The following ZNF180 variants were observed in gnomAD, a reference collection of about 807,000 sequenced individuals.
ZNF180 encodes zinc finger protein 180 (HHZ168).
ZNF180 carries 11 observed loss-of-function variants against 11.8 expected under a neutral mutation model. The ratio of observed to expected loss-of-function variants is 0.93; its 90% CI spans 0.59 to 1.55. The LOEUF (loss-of-function observed/expected upper bound fraction) is 1.55. Among genes scored for constraint, ZNF180 ranks in the 40% most tolerant of loss-of-function variants. The probability of loss-of-function intolerance (pLI) is 0.00; values close to 1 mark genes in which losing one functional copy is unlikely to be tolerated. For synonymous variants in ZNF180, 287 were observed against 257.7 expected (o/e 1.11, Z -1.09); for missense variants, 773 against 781.7 (o/e 0.99, Z 0.13).
intron 1 of ZNF180, 55 bp from the exon 2 acceptor site, chr19:44,497,432 C>A (rs1970620184): frequency 1.2e-5 from 18 of 1,494,200 alleles, no homozygotes; most frequent in Non-Finnish European, 1.2e-5. Flanking sequence ...AACCGCTGGG[C>A]CCCCCACCCC....
chr19:44,487,915 T>A (rs1970273615), intron 2 of ZNF180, among the ~76,000 whole-genome samples: 1 of 152,104 alleles, frequency 6.6e-6, no homozygotes, highest in African/African-American at 2.4e-5. Context: ...TTTGTAGAGA[T>A]GGGGTTTCAC....
intron 2 of ZNF180, among the ~76,000 whole-genome samples, chr19:44,489,798 A>G (rs1272995489): frequency 1.5e-5 from 2 of 132,194 alleles, no homozygotes; most frequent in Non-Finnish European, 3.2e-5. Context: ...ATAAATAAAT[A>G]AATAAATAAA....
At position 44,475,786 on chromosome 19, in the gene ZNF180, A is replaced by C. The variant is rs552277964; in HGVS notation, c.*616T>G. 6 of 152,374 alleles carry C rather than the reference A, an allele frequency of 3.9e-5. No homozygotes were observed. The highest frequency in any genetic ancestry group is 1.4e-4 in the African/African-American group (6 of 41,588). The allele number at this position is 152,374 out of a possible 1,614,324, so 9.4% of individuals were successfully genotyped here. On this transcript the variant is annotated 3_prime_UTR_variant, in exon 5 of 5. Coordinates refer to ENST00000592529, the MANE Select transcript of ZNF180 (RefSeq NM_001278509.3). Reference sequence around the variant, plus strand: ...ATTCTAATCCATACACAAATATTTTATCATAATGGTTTTAGAAGTGAATAT... The same window carrying C: ...ATTCTAATCCATACACAAATATTTTCTCATAATGGTTTTAGAAGTGAATAT...
rs562482277 is a variant in ZNF180 at position 44,474,767 on chromosome 19, A to T, written c.*1635T>A. On this transcript the variant is annotated 3_prime_UTR_variant, in exon 5 of 5. Coordinates refer to ENST00000592529, the MANE Select transcript of ZNF180 (RefSeq NM_001278509.3). ...CTGGAGCCTGGAACACATCCTTCCC[A>T]AGAGATACTGAACCTCTTTCAGACT... 1.8e-4 allele frequency: 28 copies of T among 152,356 alleles called. No individual in the cohort carries two copies. Among genetic ancestry groups the T allele is most frequent in the African/African-American group, 5.8e-4 (24 of 41,582 alleles). The allele number at this position is 152,356 out of a possible 1,614,324, so 9.4% of individuals were successfully genotyped here.
chr19:44,483,058 A>G (rs1287499741), intron 3 of ZNF180, among the ~76,000 whole-genome samples: 4 of 152,242 alleles, frequency 2.6e-5, no homozygotes, highest in Admixed American at 2.6e-4. Flanking sequence ...TCACAAATAC[A>G]AAACTGCCCA....
intron 2 of ZNF180, among the ~76,000 whole-genome samples, chr19:44,488,472 G>A (rs1054941647): frequency 1.3e-5 from 2 of 152,180 alleles, no homozygotes; most frequent in Admixed American, 1.3e-4. Context: ...TCGCTGTGTT[G>A]GCCGGGCTGG....
At position 44,477,623 on chromosome 19, in the gene ZNF180, T is replaced by C. The variant is rs762777411; in HGVS notation, c.777A>G (p.Thr259=). 39 of 1,613,890 alleles carry C rather than the reference T, an allele frequency of 2.4e-5. No individual in the cohort carries two copies. In the Admixed American group the frequency reaches 6.3e-4, roughly 26 times the overall value. The change falls in exon 5 of 5, where the codon ACA becomes ACG. Residue 259 remains threonine (T), a synonymous_variant. Transcript: ENST00000592529. ...GAATTTTTTCATGTATATGTAGGGG[T>C]GTACCATGGCAAAAAGATTGAATAC... ...SDRIQSFCHG[T]PLHIHEKIHG... is the part of the protein sequence containing the mutation.
rs201368767 is a variant in ZNF180 at position 44,487,096 on chromosome 19, C to CTACA, written c.52-2665_52-2662dup. Among the ~76,000 whole-genome samples, 109 of 152,186 alleles carry CTACA rather than the reference C, an allele frequency of 7.2e-4. 1 individual carries two copies. In the East Asian group the frequency reaches 0.02, roughly 29 times the overall value. The stretch of plus-strand genomic sequence containing the variant: ...ATAAGCCAGGCACGGTGGTATGTGC[C>CTACA]TACAGTCCCAGCTACTTGGGAGGCA... On this transcript the variant is annotated intron_variant, in intron 2 of 4. Transcript: ENST00000592529.
intron 2 of ZNF180, among the ~76,000 whole-genome samples, chr19:44,488,422 G>A (rs1457634919): frequency 2.0e-5 from 3 of 152,064 alleles, no homozygotes; most frequent in Admixed American, 2.0e-4. Flanking sequence ...GCGCCGCCAC[G>A]CCTGACTGGT....
chr19:44,498,977 G>A (rs1343724507), intron 1 of ZNF180, among the ~76,000 whole-genome samples: 2 of 152,090 alleles, frequency 1.3e-5, no homozygotes, highest in Non-Finnish European at 1.5e-5. Context: ...CCCGTCTGGG[G>A]GCACACCATG....
At position 44,479,494 on chromosome 19, in the gene ZNF180, A is replaced by G. The variant is rs369713480; in HGVS notation, c.127-85T>C. 656 of 1,564,240 alleles carry G rather than the reference A, an allele frequency of 4.2e-4. 3 individuals carry two copies. In the South Asian group the frequency reaches 4.9e-3, roughly 12 times the overall value. Reference sequence around the variant, plus strand: ...GGAGGAAAAGTCTGACAGATGGAAAAAGGAAAATTGGTGACCTGGGAGTTG... The same window carrying G: ...GGAGGAAAAGTCTGACAGATGGAAAGAGGAAAATTGGTGACCTGGGAGTTG... On this transcript the variant is annotated intron_variant, in intron 3 of 4. Transcript: ENST00000592529.
Position 44,500,309 on chromosome 19 carries a change from C to T in ZNF180, c.-78G>A. The stretch of plus-strand genomic sequence containing the variant: ...CGCTGGCCCGCAGCCCAGGCTGGGC[C>T]TGTCACCGCCTCAGTGCCTAGCACG... On this transcript the variant is annotated 5_prime_UTR_variant, in exon 1 of 5. Coordinates refer to ENST00000592529, the MANE Select transcript of ZNF180 (RefSeq NM_001278509.3). 6.3e-7 allele frequency: 1 copy of T among 1,595,028 alleles called. No homozygotes were observed. Among genetic ancestry groups the T allele is most frequent in the Non-Finnish European group, 8.6e-7 (1 of 1,166,352 alleles).
At chr19:44,490,299 G>A (rs1034634402) in intron 2 of ZNF180, among the ~76,000 whole-genome samples, 1 of 152,200 alleles carries the variant, frequency 6.6e-6, no homozygotes, top group East Asian at 1.9e-4. Context: ...TTACAGGCGT[G>A]AGTCACCACA....
chr19:44,480,405 C>CA (rs376408031), intron 3 of ZNF180, among the ~76,000 whole-genome samples: 51 of 152,292 alleles, frequency 3.3e-4, no homozygotes, highest in African/African-American at 1.0e-3. Flanking sequence ...ACACCTGACC[C>CA]AATTGTCTTT....
In ZNF180 at chr19:44,484,346, C is replaced by A; in HGVS notation, c.126+15G>T. The A allele has an allele frequency of 6.2e-7, 1 of 1,600,260 alleles. No homozygotes were observed. The highest frequency in any genetic ancestry group is 8.6e-7 in the Non-Finnish European group (1 of 1,167,370). On this transcript the variant is annotated intron_variant, in intron 3 of 4. Coordinates refer to ENST00000592529, the MANE Select transcript of ZNF180 (RefSeq NM_001278509.3). ...ACATTTCTCAGTGTAAAGACAGAGG[C>A]CTTGCCCAACCTACCTGAGATGGGA...
intron 3 of ZNF180, among the ~76,000 whole-genome samples, chr19:44,482,914 T>A (rs2686759): frequency 0.055 from 8,337 of 152,188 alleles, 531 homozygotes; most frequent in East Asian, 0.33. Context: ...AGCTTGCACA[T>A]TGATGACTGT....
chr19:44,478,644 T>C (rs1969997038), intron 4 of ZNF180, among the ~76,000 whole-genome samples: 1 of 152,332 alleles, frequency 6.6e-6, no homozygotes, highest in East Asian at 1.9e-4. Context: ...GAATGGGGCA[T>C]TATTATCCAG....
intron 2 of ZNF180, among the ~76,000 whole-genome samples, chr19:44,489,957 AGAAAG>A (rs1970390022): frequency 6.8e-6 from 1 of 147,182 alleles, no homozygotes; most frequent in African/African-American, 2.6e-5. Flanking sequence ...AAGAGGGAAA[AGAAAG>A]AAAGAAAAGA....
At chr19:44,489,488 A>G (rs2123480551) in intron 2 of ZNF180, among the ~76,000 whole-genome samples, 1 of 127,766 alleles carries the variant, frequency 7.8e-6, no homozygotes, top group African/African-American at 2.7e-5. Context: ...TCAGGGTTAA[A>G]TGGATTAAGG....
Sources: allele counts gnomAD v4.1 joint callset (sites outside exome capture counted in the v4.1 genomes callset), GRCh38; gene constraint gnomAD v4.1.1; transcripts MANE v1.5; gene names NCBI Gene and HGNC (gene_info 2026-07-23, HGNC 2026-07-21).